MBD4: variants seen among roughly 807,000 people sequenced by gnomAD.
The protein encoded by MBD4 is methyl-CpG binding domain 4, DNA glycosylase, also known as methyl-CpG-binding domain protein 4.
In MBD4, 53 loss-of-function variants were observed where a neutral mutation model predicts 60.2. The ratio of observed to expected loss-of-function variants is 0.88; its 90% CI spans 0.71 to 1.11. The LOEUF is 1.11. Ranked by LOEUF, MBD4 falls within the 50% of genes least tolerant of loss-of-function variation. MBD4 has a pLI of 0.00. For synonymous variants in MBD4, 231 were observed against 229.8 expected (o/e 1.01, Z -0.05); for missense variants, 619 against 674.0 (o/e 0.92, Z 0.90).
intron 1 of MBD4, among the ~76,000 whole-genome samples, chr3:129,438,772 CA>C (rs149611043): frequency 2.7e-5 from 4 of 148,788 alleles, no homozygotes; most frequent in African/African-American, 9.9e-5. Flanking sequence ...CCCAAAAAAA[CA>C]AAAAAAAACA....
chr3:129,436,293 T>TA (rs1243357397), intron 3 of MBD4, 168 bp downstream of exon 3: 2 of 762,408 alleles, frequency 2.6e-6, no homozygotes, highest in Non-Finnish European at 4.2e-6. Context: ...CAGTTTAAGA[T>TA]AAAGTATTAG....
rs148098584 is a variant in MBD4 at position 129,437,838 on chromosome 3, G to A, written c.217C>T (p.Gln73Ter). 7.4e-6 allele frequency: 12 copies of A among 1,613,960 alleles called. No individual in the cohort carries two copies. The East Asian group carries it at 2.7e-4, about 36-fold the overall frequency. Residue 73 changes from glutamine to a stop codon, truncating the protein, a stop_gained, in exon 2 of 8, where the codon CAG (glutamine) becomes TAG (stop). Coordinates refer to ENST00000429544, the MANE Select transcript of MBD4 (RefSeq NM_001276270.2). LOFTEE classifies it high-confidence loss of function. ...PLLQEPIASA[Q>*]FGATAGTECR... ...TCTGTTCCTGCAGTAGCACCAAACT[G>A]AGCAGAAGCGATGGGTTCTTGTAGC...
chr3:129,432,685 G>A, intron 6 of MBD4, 79 bp from the exon 7 acceptor site: 1 of 1,310,510 alleles, frequency 7.6e-7, no homozygotes, highest in Non-Finnish European at 1.1e-6. Flanking sequence ...GGGGCAGGAT[G>A]GAGAGAACAG....
In MBD4 at chr3:129,433,897, T is replaced by C; in HGVS notation, c.1346A>G (p.Asp449Gly). 1 of 1,614,114 alleles carries C rather than the reference T, an allele frequency of 6.2e-7. No homozygotes were observed. Among genetic ancestry groups the C allele is most frequent in the Non-Finnish European group, 8.5e-7 (1 of 1,179,964 alleles). ...FNLVQETLFH[D>G]PWKLLIATIF... ...AGTAGCGATGAGAAGCTTCCATGGATCATGAAAAAGTGTTTCTTGAACGAG... is the reference window on the plus strand; with the variant it reads ...AGTAGCGATGAGAAGCTTCCATGGACCATGAAAAAGTGTTTCTTGAACGAG... The change falls in exon 5 of 8, where the codon GAT becomes GGT. Residue 449 changes from aspartate to glycine, a missense_variant. Coordinates refer to ENST00000429544, the MANE Select transcript of MBD4 (RefSeq NM_001276270.2).
At position 129,434,055 on chromosome 3, in the gene MBD4, G is replaced by A. The variant is rs1219063097; in HGVS notation, c.1258+7C>T. 6.2e-7 allele frequency: 1 copy of A among 1,614,090 alleles called. No homozygotes were observed. The highest frequency in any genetic ancestry group is 8.5e-7 in the Non-Finnish European group (1 of 1,179,984). ...AGAATTTGCTGTTCTGATTGGGAAAGGGATACCTTCTTTGTTATATTTGCT... is the reference window on the plus strand; with the variant it reads ...AGAATTTGCTGTTCTGATTGGGAAAAGGATACCTTCTTTGTTATATTTGCT... On this transcript the variant is annotated splice_region_variant and intron_variant, in intron 4 of 7. Coordinates refer to ENST00000429544, the MANE Select transcript of MBD4 (RefSeq NM_001276270.2).
In MBD4 at chr3:129,431,445, A is replaced by G; in HGVS notation, c.*56T>C. The G allele has an allele frequency of 2.8e-6, 4 of 1,405,358 alleles. No homozygotes were observed. The highest frequency in any genetic ancestry group is 3.0e-6 in the Non-Finnish European group (3 of 992,852). 87.1% of individuals were successfully genotyped at this position (1,405,358 alleles called of 1,614,324 possible). On this transcript the variant is annotated 3_prime_UTR_variant, in exon 8 of 8. Coordinates refer to ENST00000429544, the MANE Select transcript of MBD4 (RefSeq NM_001276270.2). ...GAAAGGTGGTTGGTTGTACTTAATT[A>G]AGCTTTTTTGAAGTGCAAAGCTATG...
Position 129,433,081 on chromosome 3 carries a change from G to C in MBD4, c.1543+17C>G, listed in dbSNP as rs760845433. ...CACAATGTATTATGTTTTTCCTTTG[G>C]GTGTATAGGAAAATACCTGAGAACT... On this transcript the variant is annotated intron_variant, in intron 6 of 7. Coordinates refer to ENST00000429544, the MANE Select transcript of MBD4 (RefSeq NM_001276270.2). 2.2e-5 allele frequency: 36 copies of C among 1,613,488 alleles called. No individual in the cohort carries two copies. Among genetic ancestry groups the C allele is most frequent in the Non-Finnish European group, 2.9e-5 (34 of 1,179,616 alleles).
In MBD4 at chr3:129,437,901, G is replaced by A. The variant is rs1424237719; in HGVS notation, c.154C>T (p.Gln52Ter). 1.2e-6 allele frequency: 2 copies of A among 1,613,714 alleles called. No homozygotes were observed. Among genetic ancestry groups the A allele is most frequent in the African/African-American group, 2.7e-5 (2 of 74,872 alleles). The change falls in exon 2 of 8, where the codon CAA becomes TAA. Residue 52 changes from glutamine to a stop codon, truncating the protein, a stop_gained. Coordinates refer to ENST00000429544, the MANE Select transcript of MBD4 (RefSeq NM_001276270.2). LOFTEE classifies it high-confidence loss of function. ...TCACTGCTTCTTTTTATCATCATTT[G>A]TTCCTCATCTTCTCCCACTCTTTCC... ...ELERVGEDEEQMMIKRSSECN... is the reference protein window; with the variant it reads ...ELERVGEDEE
In MBD4 at chr3:129,436,585, T is replaced by C; in HGVS notation, c.1059A>G (p.Leu353=). 1 of 1,614,192 alleles carries C rather than the reference T, an allele frequency of 6.2e-7. No individual in the cohort carries two copies. The highest frequency in any genetic ancestry group is 2.2e-5 in the East Asian group (1 of 44,872). Residue 353 remains leucine (L), a synonymous_variant, in exon 3 of 8, where the codon TTA becomes TTG. Transcript: ENST00000429544. ...EHNEKYEDTF[L]ESEEIGTKVE... Reference sequence around the variant, plus strand: ...CTTTTGTTCCGATTTCTTCAGATTCTAAAAAGGTATCCTCATACTTCTCGT... The same window carrying C: ...CTTTTGTTCCGATTTCTTCAGATTCCAAAAAGGTATCCTCATACTTCTCGT...
intron 1 of MBD4, 89 bp downstream of exon 1, chr3:129,439,641 A>AC: frequency 1.1e-6 from 1 of 886,792 alleles, no homozygotes; most frequent in Non-Finnish European, 1.9e-6. Flanking sequence ...ACCCTCTGTC[A>AC]AAGGTTAGAA....
rs568483709 is a variant in MBD4, at chr3:129,439,454, T to G, written c.104+276A>C. Among the ~76,000 whole-genome samples, 10 of 152,158 alleles carry G rather than the reference T, an allele frequency of 6.6e-5. 1 individual carries two copies. In the South Asian group the frequency reaches 2.1e-3, roughly 32 times the overall value. The stretch of plus-strand genomic sequence containing the variant: ...CCTATCACACACGTAGTCTAATGAC[T>G]TCCTAGGATCCTCCAACCCCAAGGG... On this transcript the variant is annotated intron_variant, in intron 1 of 7. Coordinates refer to ENST00000429544, the MANE Select transcript of MBD4 (RefSeq NM_001276270.2).
In MBD4 at chr3:129,432,543, T is replaced by A; in HGVS notation, c.1607A>T (p.Asn536Ile). ...GACACAAAAAATTCGGTAAGAGTCG[T>A]TGCCATATTTACCAATCCCATGAAG... is the stretch of plus-strand genomic sequence containing the variant. ...IELHGIGKYG[N>I]DSYRIFCVNE... The change falls in exon 7 of 8, where the codon AAC (asparagine) becomes ATC (isoleucine). Residue 536 changes from asparagine to isoleucine, a missense_variant. Physicochemically the swap from Asn to Ile is moderately radical, Grantham distance 149. Coordinates refer to ENST00000429544, the MANE Select transcript of MBD4 (RefSeq NM_001276270.2). 1 of 1,614,228 alleles carries A rather than the reference T, an allele frequency of 6.2e-7. No homozygotes were observed. Among genetic ancestry groups the A allele is most frequent in the Non-Finnish European group, 8.5e-7 (1 of 1,180,048 alleles).
chr3:129,437,714 G>C lies in MBD4; in HGVS notation c.335+6C>G. On this transcript the variant is annotated splice_donor_region_variant and intron_variant, in intron 2 of 7. Transcript: ENST00000429544. ...CTGTACTATCTTTACCATCTTATAT[G>C]CTTACCTGATAAAGTACACATCAAA... The C allele has an allele frequency of 6.3e-7, 1 of 1,596,034 alleles. No individual in the cohort carries two copies. The highest frequency in any genetic ancestry group is 8.6e-7 in the Non-Finnish European group (1 of 1,163,592).
intron 3 of MBD4, among the ~76,000 whole-genome samples, chr3:129,435,225 AG>A (rs2072435357): frequency 6.6e-6 from 1 of 150,502 alleles, no homozygotes; most frequent in Admixed American, 6.6e-5. Context: ...CCCAGTAGAG[AG>A]TAAAAAAAAA....
intron 3 of MBD4, among the ~76,000 whole-genome samples, chr3:129,435,000 C>T (rs1485295737): frequency 6.6e-6 from 1 of 152,172 alleles, no homozygotes; most frequent in African/African-American, 2.4e-5. Flanking sequence ...ATTTGTATAG[C>T]ATCTTTTTCA....
At chr3:129,435,820 C>T (rs998924370) in intron 3 of MBD4, among the ~76,000 whole-genome samples, 6 of 152,150 alleles carry the variant, frequency 3.9e-5, no homozygotes, top group South Asian at 2.1e-4. Flanking sequence ...AAAGACAAAA[C>T]TGCTAAGTTC....
Position 129,432,432 on chromosome 3 carries a change from T to G in MBD4, c.1647+71A>C, listed in dbSNP as rs777167950. On this transcript the variant is annotated intron_variant, in intron 7 of 7. Transcript: ENST00000429544. ...AGCATTTGTATCCAATAAATAGTCT[T>G]AACCATAATGGTGGACTTATTTTGC... The G allele has an allele frequency of 5.0e-6, 8 of 1,613,152 alleles. No individual in the cohort carries two copies. The African/African-American group carries it at 9.3e-5, about 19-fold the overall frequency.
intron 6 of MBD4, 148 bp downstream of exon 6, chr3:129,432,950 G>T: frequency 9.9e-7 from 1 of 1,015,182 alleles, no homozygotes; most frequent in Non-Finnish European, 1.5e-6. Context: ...ACTGTGGTTT[G>T]GGGAAAGTGG....
chr3:129,432,749 C>T lies in MBD4; in HGVS notation c.1544-143G>A, dbSNP rs115194560. The stretch of plus-strand genomic sequence containing the variant: ...AGCAACCCCAGTTGTGATTACTCTT[C>T]CTTCTGAATTCCTGCAGCACCCATA... On this transcript the variant is annotated intron_variant, in intron 6 of 7. Transcript: ENST00000429544. The T allele has an allele frequency of 4.5e-3, 3,667 of 814,636 alleles. 12 individuals are homozygous for T. Among genetic ancestry groups the T allele is most frequent in the Non-Finnish European group, 6.1e-3 (2,922 of 480,718 alleles). The allele number at this position is 814,636 out of a possible 1,614,324, so 50.5% of individuals were successfully genotyped here.
Sources: allele counts gnomAD v4.1 joint callset (sites outside exome capture counted in the v4.1 genomes callset), GRCh38; gene constraint gnomAD v4.1.1; transcripts MANE v1.5; gene names NCBI Gene and HGNC (gene_info 2026-07-23, HGNC 2026-07-21).